Variants in BICD1 observed in about 807,000 individuals in gnomAD.
BICD1 encodes the protein BICD cargo adaptor 1.
In BICD1, 35 loss-of-function variants were observed where a neutral mutation model predicts 92.5. That is an observed-to-expected ratio of 0.38 (90% CI 0.29 to 0.50). The LOEUF is 0.50. BICD1 is among the 20% of genes least tolerant of loss of function. The probability of loss-of-function intolerance (pLI) is 0.93; values close to 1 mark genes in which losing one functional copy is unlikely to be tolerated. For synonymous variants in BICD1, 429 were observed against 465.1 expected (o/e 0.92, Z 1.00); for missense variants, 950 against 1,189.8 (o/e 0.80, Z 2.97).
At chr12:32,117,807 A>G (rs901754113) in intron 1 of BICD1, among the ~76,000 whole-genome samples, 31 of 145,210 alleles carry the variant, frequency 2.1e-4, no homozygotes, top group Admixed American at 9.0e-4. Flanking sequence ...CTGGAGTGCA[A>G]TGGCATGATC....
chr12:32,111,545 A>T (rs7970965), intron 1 of BICD1, among the ~76,000 whole-genome samples: 48,592 of 152,094 alleles, frequency 0.32, 7,842 homozygotes, highest in Middle Eastern at 0.37. Context: ...AGAGACAGTT[A>T]ATACTTAATT....
chr12:32,234,596 C>CA (rs758851036), intron 2 of BICD1, among the ~76,000 whole-genome samples: 4,577 of 75,150 alleles, frequency 0.061, 111 homozygotes, highest in East Asian at 0.25. Flanking sequence ...AACTCCGTCT[C>CA]AAAAAAAAAA....
At chr12:32,150,100 C>G (rs1943245813) in intron 1 of BICD1, among the ~76,000 whole-genome samples, 1 of 152,100 alleles carries the variant, frequency 6.6e-6, no homozygotes, top group African/African-American at 2.4e-5. Context: ...ATGAGACTTA[C>G]TCACTATCAT....
chr12:32,227,198 G>A (rs532212046), intron 2 of BICD1, among the ~76,000 whole-genome samples: 9 of 152,202 alleles, frequency 5.9e-5, no homozygotes, highest in Non-Finnish European at 1.2e-4. Flanking sequence ...GCTGAGCAGC[G>A]CCCTGGATTC....
At chr12:32,302,764 T>C (rs1347834307) in intron 3 of BICD1, among the ~76,000 whole-genome samples, 2 of 152,124 alleles carry the variant, frequency 1.3e-5, no homozygotes, top group African/African-American at 4.8e-5. Context: ...ATATTCATGG[T>C]AGAACAATTA....
intron 1 of BICD1, among the ~76,000 whole-genome samples, chr12:32,210,570 G>A (rs112705644): frequency 0.01 from 1,576 of 152,136 alleles, 24 homozygotes; most frequent in African/African-American, 0.036. Context: ...TAGCTAACTG[G>A]ACTTACAGTC....
At chr12:32,295,582 T>C (rs935495744) in intron 3 of BICD1, among the ~76,000 whole-genome samples, 2 of 150,060 alleles carry the variant, frequency 1.3e-5, no homozygotes, top group African/African-American at 4.9e-5. Context: ...TTGATAGATA[T>C]AAGGGTTAAG....
At chr12:32,322,264 T>C (rs1424868798) in intron 4 of BICD1, among the ~76,000 whole-genome samples, 1 of 152,186 alleles carries the variant, frequency 6.6e-6, no homozygotes, top group Non-Finnish European at 1.5e-5. Context: ...GTAATTTGGA[T>C]ACAATTTCCT....
intron 2 of BICD1, among the ~76,000 whole-genome samples, chr12:32,276,981 C>T (rs954168919): frequency 1.3e-5 from 2 of 152,118 alleles, no homozygotes; most frequent in African/African-American, 4.8e-5. Flanking sequence ...TTTCTGACAA[C>T]TCTGGACGTC....
chr12:32,363,786 C>T (rs932417748), intron 8 of BICD1, among the ~76,000 whole-genome samples: 1 of 152,216 alleles, frequency 6.6e-6, no homozygotes, highest in Non-Finnish European at 1.5e-5. Flanking sequence ...GATACTTCTG[C>T]AAGTTCAGCT....
chr12:32,158,893 C>T (rs941134664), intron 1 of BICD1, among the ~76,000 whole-genome samples: 4 of 152,046 alleles, frequency 2.6e-5, no homozygotes, highest in Admixed American at 1.3e-4. Context: ...TGAGTGAGTG[C>T]GTGAAAGGGG....
chr12:32,324,798 TTGAACTCC>T (rs1948738959), intron 4 of BICD1, among the ~76,000 whole-genome samples: 1 of 152,078 alleles, frequency 6.6e-6, no homozygotes, highest in Admixed American at 6.6e-5. Context: ...CAGGCTGGTC[TTGAACTCC>T]TGACCTCGTG....
intron 9 of BICD1, among the ~76,000 whole-genome samples, chr12:32,374,082 C>T (rs1383868575): frequency 1.3e-5 from 2 of 151,440 alleles, no homozygotes; most frequent in African/African-American, 2.4e-5. Context: ...GGTGTGGTGG[C>T]GCAGGCCTGT....
intron 4 of BICD1, among the ~76,000 whole-genome samples, chr12:32,322,037 T>A (rs989104291): frequency 1.5e-4 from 23 of 152,088 alleles, no homozygotes; most frequent in African/African-American, 4.8e-4. Context: ...TAAAACAGTT[T>A]AAGCATCTGC....
At chr12:32,116,021 G>A (rs1362280688) in intron 1 of BICD1, among the ~76,000 whole-genome samples, 1 of 152,112 alleles carries the variant, frequency 6.6e-6, no homozygotes, top group African/African-American at 2.4e-5. Context: ...TGCAGGAGGT[G>A]GGGAGAAAAG....
chr12:32,331,871 G>C (rs571309259), intron 5 of BICD1, among the ~76,000 whole-genome samples: 29 of 152,310 alleles, frequency 1.9e-4, no homozygotes, highest in African/African-American at 7.0e-4. Context: ...GGCTGTTGCT[G>C]TGATGCTTAT....
At chr12:32,232,720 A>T (rs1024191814) in intron 2 of BICD1, among the ~76,000 whole-genome samples, 2 of 152,090 alleles carry the variant, frequency 1.3e-5, no homozygotes, top group Non-Finnish European at 2.9e-5. Context: ...TTATGGTTTT[A>T]GGTCAAACGT....
In BICD1 at chr12:32,237,497, G is replaced by A. The variant is rs1470745613; in HGVS notation, c.426+21038G>A. ...CTAGGACTTTCATAGCTGGAGAGGA[G>A]AAGTCAATGCTTCAAAGTTTCAAGG... On this transcript the variant is annotated intron_variant, in intron 2 of 9. Coordinates refer to ENST00000652176, the MANE Select transcript of BICD1 (RefSeq NM_001714.4). 3.3e-5 allele frequency among the ~76,000 whole-genome samples: 5 copies of A among 152,216 alleles called. No individual in the cohort carries two copies. In the East Asian group the frequency reaches 9.6e-4, roughly 29 times the overall value.
In BICD1 at chr12:32,337,263, A is replaced by AAAC. The variant is rs1322603187; in HGVS notation, c.2253-224_2253-222dup. Among the ~76,000 whole-genome samples the AAAC allele has an allele frequency of 1.3e-5, 2 of 152,276 alleles. No individual in the cohort carries two copies. The highest frequency in any genetic ancestry group is 2.1e-4 in the South Asian group (1 of 4,828). On this transcript the variant is annotated intron_variant, in intron 6 of 9. Coordinates refer to ENST00000652176, the MANE Select transcript of BICD1 (RefSeq NM_001714.4). The surrounding 1 kb of genome is among the most constrained non-coding windows in gnomAD (Gnocchi z 4.7). ...CTCAGTCTCAAAAAACAAATAAACA[A>AAAC]AACAACAACAACAAAATAATAATAA... is the stretch of plus-strand genomic sequence containing the variant.
Sources: allele counts gnomAD v4.1 joint callset (sites outside exome capture counted in the v4.1 genomes callset), GRCh38; gene constraint gnomAD v4.1.1; non-coding constraint Gnocchi (gnomAD v3.1); transcripts MANE v1.5; gene names NCBI Gene and HGNC (gene_info 2026-07-23, HGNC 2026-07-21).